The following GAK variants were observed in gnomAD, a reference collection of about 807,000 sequenced individuals.
GAK encodes cyclin-G-associated kinase.
A neutral mutation model predicts 143.9 loss-of-function variants in GAK; 79 were observed. That is an observed-to-expected ratio of 0.55 (90% CI 0.46 to 0.66). The LOEUF (loss-of-function observed/expected upper bound fraction) is 0.66, where lower values mean the gene tolerates loss of function less well. GAK is among the 30% of genes least tolerant of loss of function. GAK has a pLI of 0.00. For synonymous variants in GAK, 881 were observed against 765.5 expected, an observed-to-expected ratio of 1.15 and a Z score of -2.49; for missense variants, 1,693 against 1,779.7, an observed-to-expected ratio of 0.95 and a Z score of 0.88.
At chr4:891,009 G>C (rs1157014417) in intron 9 of GAK, among the ~76,000 whole-genome samples, 1 of 151,322 alleles carries the variant, frequency 6.6e-6, no homozygotes, top group Non-Finnish European at 1.5e-5. Flanking sequence ...CAGTGCTGGA[G>C]GGCTGTGGCA....
intron 5 of GAK, among the ~76,000 whole-genome samples, chr4:903,905 C>T (rs1720538879): frequency 6.6e-6 from 1 of 152,250 alleles, no homozygotes; most frequent in African/African-American, 2.4e-5. Flanking sequence ...AGCAGGGAGG[C>T]GGGGCCATCC....
intron 6 of GAK, among the ~76,000 whole-genome samples, chr4:897,086 T>C (rs1320324595): frequency 2.0e-5 from 3 of 151,210 alleles, no homozygotes; most frequent in South Asian, 4.2e-4. Context: ...GAGGAGAGAG[T>C]GAATCTCCGT....
rs577252522 is a variant in GAK at position 931,443 on chromosome 4, C to T, written c.145+600G>A. Among the ~76,000 whole-genome samples the T allele has an allele frequency of 4.7e-5, 7 of 148,820 alleles. No individual in the cohort carries two copies. The South Asian group carries it at 1.5e-3, about 32-fold the overall frequency. On this transcript the variant is annotated intron_variant, in intron 1 of 27. Coordinates refer to ENST00000314167, the MANE Select transcript of GAK (RefSeq NM_005255.4). ...ACCCCCCCACCCCCCAGGCTACAAC[C>T]GCAACTACCTGCAACACGTGTGCAC...
In GAK at chr4:876,744, C is replaced by G. The variant is rs1713980164; in HGVS notation, c.1975-135G>C. 6 of 740,658 alleles carry G rather than the reference C, an allele frequency of 8.1e-6. No homozygotes were observed. In the East Asian group the frequency reaches 1.6e-4, roughly 19 times the overall value. 45.9% of individuals were successfully genotyped at this position (740,658 alleles called of 1,614,324 possible). ...AGGCATGGACGGCGCCCCCGTGCCA[C>G]ATGTTGTGGGGGAAGCGGGAGAGGG... On this transcript the variant is annotated intron_variant, in intron 17 of 27. Transcript: ENST00000314167.
intron 1 of GAK, among the ~76,000 whole-genome samples, chr4:928,928 T>A (rs1241854610): frequency 6.6e-6 from 1 of 152,182 alleles, no homozygotes; most frequent in East Asian, 1.9e-4. Flanking sequence ...CACACCCGGC[T>A]AATTTTGTAT....
chr4:857,040 G>C (rs1018482221), intron 24 of GAK, among the ~76,000 whole-genome samples: 6 of 152,344 alleles, frequency 3.9e-5, no homozygotes, highest in African/African-American at 1.4e-4. Flanking sequence ...TATGATATCA[G>C]ATTAGTGCAA....
At chr4:891,689 C>T (rs1197970442) in intron 9 of GAK, among the ~76,000 whole-genome samples, 2 of 152,158 alleles carry the variant, frequency 1.3e-5, no homozygotes, top group Non-Finnish European at 2.9e-5. Context: ...CCAGCGCACT[C>T]GACAAAGCAA....
At chr4:914,933 AAC>A (rs1722847109) in intron 1 of GAK, among the ~76,000 whole-genome samples, 1 of 30,772 alleles carries the variant, frequency 3.2e-5, no homozygotes, top group Non-Finnish European at 6.1e-5. Flanking sequence ...TACGGCCCCC[AAC>A]ACACACAGCC....
At chr4:873,886 A>G (rs933442547) in intron 18 of GAK, among the ~76,000 whole-genome samples, 1 of 152,164 alleles carries the variant, frequency 6.6e-6, no homozygotes, top group Non-Finnish European at 1.5e-5. Context: ...TCCACCTTCA[A>G]TGGGATGACT....
At chr4:903,668 G>A (rs1234360339) in intron 5 of GAK, among the ~76,000 whole-genome samples, 1 of 151,376 alleles carries the variant, frequency 6.6e-6, no homozygotes, top group African/African-American at 2.4e-5. Flanking sequence ...CGTGGGGTGA[G>A]CAGGAGTGCG....
intron 18 of GAK, among the ~76,000 whole-genome samples, chr4:874,303 T>C (rs1713366854): frequency 6.6e-6 from 1 of 152,196 alleles, no homozygotes; most frequent in Non-Finnish European, 1.5e-5. Flanking sequence ...CTGGTGTCAT[T>C]TCACCACAGA....
intron 24 of GAK, among the ~76,000 whole-genome samples, chr4:855,462 CAT>C (rs1748971182): frequency 6.6e-6 from 1 of 152,182 alleles, no homozygotes; most frequent in Admixed American, 6.5e-5. Flanking sequence ...TTACTGAACT[CAT>C]AGTTCTAAAA....
chr4:857,104 G>A (rs567810524), intron 24 of GAK, among the ~76,000 whole-genome samples: 4 of 152,158 alleles, frequency 2.6e-5, no homozygotes, highest in Non-Finnish European at 4.4e-5. Context: ...AATTACTTTC[G>A]CAGCAACCTA....
intron 1 of GAK, among the ~76,000 whole-genome samples, chr4:920,826 G>A (rs1723818617): frequency 6.6e-6 from 1 of 152,162 alleles, no homozygotes; most frequent in African/African-American, 2.4e-5. Context: ...ACAGGTGTGA[G>A]CCACCATGCC....
intron 11 of GAK, chr4:888,442 G>A (rs893732627): frequency 1.1e-5 from 2 of 186,578 alleles, no homozygotes; most frequent in African/African-American, 2.4e-5. Flanking sequence ...CCCACCACAG[G>A]CTGGGACTCA....
At chr4:850,496 C>T (rs762489414) in intron 26 of GAK, 8 of 195,562 alleles carry the variant, frequency 4.1e-5, no homozygotes, top group East Asian at 3.7e-4. Flanking sequence ...GTCTCAGGGC[C>T]GGCACAGTGA....
Position 917,421 on chromosome 4 carries a change from G to A in GAK, c.146-3753C>T, listed in dbSNP as rs561005758. Among the ~76,000 whole-genome samples the A allele has an allele frequency of 6.0e-5, 9 of 150,632 alleles. No homozygotes were observed. The East Asian group carries it at 1.6e-3, about 26-fold the overall frequency. On this transcript the variant is annotated intron_variant, in intron 1 of 27. Coordinates refer to ENST00000314167, the MANE Select transcript of GAK (RefSeq NM_005255.4). ...GGATCTATAGTAACAGAAGGCCAAT[G>A]CCATGCCAAAAAAAGAGAGTACATA...
At chr4:893,732 C>G (rs975613892) in intron 8 of GAK, 142 bp downstream of exon 8, 33 of 1,070,958 alleles carry the variant, frequency 3.1e-5, no homozygotes, top group Middle Eastern at 2.4e-4. Flanking sequence ...GAAACCCCCC[C>G]CCCAGGGATG....
intron 19 of GAK, chr4:868,903 C>G (rs1296133142): frequency 1.8e-6 from 1 of 566,254 alleles, no homozygotes; most frequent in African/African-American, 1.9e-5. Flanking sequence ...CACTTGGGCA[C>G]AGCACACGCA....
Sources: gnomAD v4.1 joint callset for allele counts (sites outside exome capture counted in the v4.1 genomes callset) on GRCh38, gnomAD v4.1.1 for gene constraint, MANE v1.5 for transcripts, NCBI Gene and HGNC (gene_info 2026-07-23, HGNC 2026-07-21) for gene names.